The following TXLNB variants were observed in gnomAD, a reference collection of about 807,000 sequenced individuals.
TXLNB encodes the protein beta-taxilin.
In TXLNB, 37 loss-of-function variants were observed where a neutral mutation model predicts 57.4. That is an observed-to-expected ratio of 0.64 (90% CI 0.50 to 0.85). TXLNB has a LOEUF of 0.85. TXLNB is among the 40% of genes least tolerant of loss of function. The pLI is 0.00. For synonymous variants in TXLNB, 302 were observed against 309.6 expected, an observed-to-expected ratio of 0.98 and a Z score of 0.26; for missense variants, 848 against 825.6, an observed-to-expected ratio of 1.03 and a Z score of -0.33.
chr6:139,180,712 T>G, the TXLNB span: 13 of 152,788 alleles, frequency 8.5e-5, no homozygotes, highest in South Asian at 2.7e-3. Context: ...TTGATAAAAT[T>G]GAAACATTTG....
chr6:139,281,742 T>G lies in TXLNB; in HGVS notation c.425-4821A>C, dbSNP rs1314863522. ...TTTTTGTATTTTTAGTAGAGACGGG[T>G]TTTCACCGTGTTAGCCAGGATGGTC... is the stretch of plus-strand genomic sequence containing the variant. On this transcript the variant is annotated intron_variant, in intron 2 of 9. Transcript: ENST00000358430. Among the ~76,000 whole-genome samples the G allele has an allele frequency of 1.3e-3, 143 of 108,190 alleles. 54 individuals carry two copies. The highest frequency in any genetic ancestry group is 8.0e-3 in the African/African-American group (130 of 16,172). The allele number at this position is 108,190 out of a possible 152,430, so 71.0% of individuals were successfully genotyped here.
upstream of TXLNB, among the ~76,000 whole-genome samples, chr6:139,295,377 G>C (rs559324278): frequency 1.3e-5 from 2 of 152,262 alleles, no homozygotes; most frequent in East Asian, 3.9e-4. Flanking sequence ...CACGTCTAAG[G>C]CTTTGAACTT....
chr6:139,193,843 T>A, the TXLNB span, among the ~76,000 whole-genome samples: 1,112 of 40,572 alleles, frequency 0.027, 6 homozygotes, highest in South Asian at 0.06. Flanking sequence ...TATATATATT[T>A]TTTTTTTTTT....
chr6:139,236,169 GGAGA>G (rs933983787), downstream of TXLNB, among the ~76,000 whole-genome samples: 18 of 152,166 alleles, frequency 1.2e-4, no homozygotes, highest in Admixed American at 1.2e-3. Flanking sequence ...TAAGAACCCA[GGAGA>G]GAGAAAGCCC....
downstream of TXLNB, among the ~76,000 whole-genome samples, chr6:139,236,428 A>G (rs764830607): frequency 3.9e-5 from 6 of 152,184 alleles, no homozygotes; most frequent in Non-Finnish European, 7.3e-5. Context: ...ATGTCCTGCA[A>G]TGGGGATAAG....
chr6:139,306,770 C>A, the TXLNB span, among the ~76,000 whole-genome samples: 2 of 152,184 alleles, frequency 1.3e-5, no homozygotes, highest in African/African-American at 4.8e-5. Flanking sequence ...AGGTAGGCAG[C>A]AGGGGACCCT....
the TXLNB span, among the ~76,000 whole-genome samples, chr6:139,303,621 T>C: frequency 6.6e-6 from 1 of 151,856 alleles, no homozygotes; most frequent in East Asian, 1.9e-4. Context: ...ATGAAGAATA[T>C]AAGTAATTAT....
chr6:139,166,980 A>G, the TXLNB span: 2 of 1,614,062 alleles, frequency 1.2e-6, no homozygotes, highest in Non-Finnish European at 1.7e-6. Context: ...GCCCACTTTG[A>G]TTACAGCCCT....
the TXLNB span, among the ~76,000 whole-genome samples, chr6:139,175,831 C>T: frequency 6.6e-6 from 1 of 152,306 alleles, no homozygotes; most frequent in East Asian, 1.9e-4. Flanking sequence ...CACACCCAGC[C>T]TCTTGGTATT....
the TXLNB span, among the ~76,000 whole-genome samples, chr6:139,323,338 A>G: frequency 6.7e-6 from 1 of 148,206 alleles, no homozygotes; most frequent in Admixed American, 6.9e-5. Context: ...GCTGGAGTGC[A>G]ATGGCATGAT....
At chr6:139,176,712 A>T in the TXLNB span, among the ~76,000 whole-genome samples, 2 of 152,174 alleles carry the variant, frequency 1.3e-5, no homozygotes, top group African/African-American at 4.8e-5. This position sits in a 1 kb window ranked among gnomAD's most constrained non-coding sequence, Gnocchi z 4.5. Context: ...GCATTTAGGC[A>T]GTAGTAGTTT....
the TXLNB span, among the ~76,000 whole-genome samples, chr6:139,231,365 C>T: frequency 1.3e-5 from 2 of 152,096 alleles, no homozygotes; most frequent in Non-Finnish European, 2.9e-5. Flanking sequence ...GTCATCAGGC[C>T]TGAGTCACAC....
the TXLNB span, among the ~76,000 whole-genome samples, chr6:139,217,864 CAAAAAAA>C: frequency 1.0e-3 from 54 of 51,932 alleles, no homozygotes; most frequent in South Asian, 0.01. Context: ...GCAAGAGTCT[CAAAAAAA>C]AAAAAAAAAA....
intron 8 of TXLNB, among the ~76,000 whole-genome samples, chr6:139,245,746 G>A (rs1162710551): frequency 6.6e-6 from 1 of 152,206 alleles, no homozygotes; most frequent in Non-Finnish European, 1.5e-5. Context: ...AGGCTGGAGT[G>A]CAATGGCGTG....
chr6:139,240,032 G>C (rs1041732986), downstream of TXLNB: 8 of 152,112 alleles, frequency 5.3e-5, no homozygotes, highest in African/African-American at 1.7e-4. Flanking sequence ...ATAAGTCAAA[G>C]TTAAAAAAAT....
chr6:139,228,746 G>T, the TXLNB span, among the ~76,000 whole-genome samples: 1 of 152,082 alleles, frequency 6.6e-6, no homozygotes, highest in Non-Finnish European at 1.5e-5. Context: ...GTACACGTGG[G>T]CGAGCACACT....
the TXLNB span, among the ~76,000 whole-genome samples, chr6:139,199,321 C>T: frequency 2.0e-5 from 3 of 152,144 alleles, no homozygotes; most frequent in South Asian, 2.1e-4. Context: ...TCTAAACCTG[C>T]GACTCTACCA....
the TXLNB span, among the ~76,000 whole-genome samples, chr6:139,311,451 C>T: frequency 1.5e-5 from 2 of 129,468 alleles, no homozygotes; most frequent in East Asian, 2.3e-4. Context: ...GAAACTGTAA[C>T]TTGTCCATAA....
the TXLNB span, among the ~76,000 whole-genome samples, chr6:139,206,262 C>T: frequency 6.6e-6 from 1 of 152,142 alleles, no homozygotes; most frequent in Non-Finnish European, 1.5e-5. Context: ...AAAATAATAA[C>T]ACAATGATAA....
Sources: gnomAD v4.1 joint callset for allele counts (sites outside exome capture counted in the v4.1 genomes callset) on GRCh38, gnomAD v4.1.1 for gene constraint, Gnocchi (gnomAD v3.1) non-coding constraint, MANE v1.5 for transcripts, NCBI Gene and HGNC (gene_info 2026-07-23, HGNC 2026-07-21) for gene names.